BRF1: variants seen among roughly 807,000 people sequenced by gnomAD.
BRF1 encodes transcription factor IIIB 90 kDa subunit.
A neutral mutation model predicts 81.7 loss-of-function variants in BRF1; 59 were observed. The ratio of observed to expected loss-of-function variants is 0.72; its 90% CI spans 0.59 to 0.90. The LOEUF is 0.90. Among genes scored for constraint, BRF1 ranks in the 40% least tolerant of loss-of-function variants. BRF1 has a pLI of 0.00. For missense variants in BRF1, 1,050 were observed against 936.3 expected, an observed-to-expected ratio of 1.12 and a Z score of -1.58; for synonymous variants, 491 against 395.6, an observed-to-expected ratio of 1.24 and a Z score of -2.86.
chr14:105,299,994 T>C (rs587751073), intron 1 of BRF1, among the ~76,000 whole-genome samples: 1 of 152,320 alleles, frequency 6.6e-6, no homozygotes, highest in East Asian at 1.9e-4. Context: ...CCCGCAATAC[T>C]GCCCATCACT....
At chr14:105,248,765 C>T in intron 5 of BRF1, 19 of 981,518 alleles carry the variant, frequency 1.9e-5, no homozygotes, top group Non-Finnish European at 2.3e-5. Context: ...GCCTGACCTC[C>T]TTGCTTTTGC....
At chr14:105,275,202 C>T (rs2056830763) in intron 2 of BRF1, among the ~76,000 whole-genome samples, 1 of 152,212 alleles carries the variant, frequency 6.6e-6, no homozygotes, top group Non-Finnish European at 1.5e-5. Context: ...GGCCAGGGTA[C>T]ACAGTCTGGC....
chr14:105,294,726 C>T (rs1228433590), intron 1 of BRF1, among the ~76,000 whole-genome samples: 1 of 152,174 alleles, frequency 6.6e-6, no homozygotes, highest in East Asian at 1.9e-4. Flanking sequence ...GAAAAAAAGA[C>T]ACAAAACACC....
chr14:105,225,617 G>A (rs587636874), intron 10 of BRF1, among the ~76,000 whole-genome samples: 44 of 151,808 alleles, frequency 2.9e-4, no homozygotes, highest in East Asian at 1.4e-3. Context: ...AAATGGCCCC[G>A]CAAAGCTGTC....
At chr14:105,308,776 C>T (rs2058265038) in intron 1 of BRF1, among the ~76,000 whole-genome samples, 1 of 151,978 alleles carries the variant, frequency 6.6e-6, no homozygotes, top group Non-Finnish European at 1.5e-5. Context: ...CCACTGTGCC[C>T]AGCCATGACT....
At chr14:105,219,359 A>G in intron 12 of BRF1, 127 bp from the exon 13 acceptor site, 1 of 1,512,296 alleles carries the variant, frequency 6.6e-7, no homozygotes, top group Non-Finnish European at 8.9e-7. Context: ...GCCTCTATTT[A>G]GTGCGGAGCC....
Position 105,272,756 on chromosome 14 carries a change from C to G in BRF1, c.404G>C (p.Cys135Ser). 6.2e-7 allele frequency: 1 copy of G among 1,613,824 alleles called. No individual in the cohort carries two copies. The highest frequency in any genetic ancestry group is 8.5e-7 in the Non-Finnish European group (1 of 1,179,866). The change falls in exon 3 of 18, where the codon TGC becomes TCC. Residue 135 changes from cysteine to serine, a missense_variant. Cys to Ser is a moderately radical substitution (Grantham distance 112). Coordinates refer to ENST00000547530, the MANE Select transcript of BRF1 (RefSeq NM_001519.4). ...GRKMAHVIAACLYLVCRTEGT... is the reference protein window; with the variant it reads ...GRKMAHVIAASLYLVCRTEGT... Reference sequence around the variant, plus strand: ...CTCCGTACGGCAGACCAGGTAGAGGCAGGCAGCAATCACGTGGGCCATCTT... The same window carrying G: ...CTCCGTACGGCAGACCAGGTAGAGGGAGGCAGCAATCACGTGGGCCATCTT...
chr14:105,269,699 G>A lies in BRF1; in HGVS notation c.439+3022C>T, dbSNP rs1033594486. Among the ~76,000 whole-genome samples the A allele has an allele frequency of 2.7e-4, 41 of 152,144 alleles. No homozygotes were observed. The highest frequency in any genetic ancestry group is 9.7e-4 in the African/African-American group (40 of 41,416). ...GCAGCCCCGGCAGTGCCACAGGACT[G>A]CTCTCCGTCCTGCCTGTCATCACCC... is the stretch of plus-strand genomic sequence containing the variant. On this transcript the variant is annotated intron_variant, in intron 3 of 17. Transcript: ENST00000547530. The surrounding 1 kb of genome is among the most constrained non-coding windows in gnomAD (Gnocchi z 5.0).
chr14:105,247,369 G>C, intron 5 of BRF1: 1 of 985,448 alleles, frequency 1.0e-6, no homozygotes, highest in Non-Finnish European at 1.2e-6. Context: ...GGGGGCTCGG[G>C]CACCCCATTC....
chr14:105,280,852 CCGGG>C (rs2057050828), intron 2 of BRF1, among the ~76,000 whole-genome samples: 1 of 151,454 alleles, frequency 6.6e-6, no homozygotes, highest in Non-Finnish European at 1.5e-5. Context: ...GACCCTGAGC[CCGGG>C]TGTGTGGATA....
chr14:105,248,262 C>T lies in BRF1; in HGVS notation c.544+4245G>A, dbSNP rs2055263148. 6.1e-6 allele frequency: 6 copies of T among 985,330 alleles called. No homozygotes were observed. The South Asian group carries it at 2.8e-4, about 46-fold the overall frequency. 61.0% of individuals were successfully genotyped at this position (985,330 alleles called of 1,614,324 possible). A position where few individuals can be genotyped will look rare whatever the true frequency, so the allele number is the denominator to read the frequency against. On this transcript the variant is annotated intron_variant, in intron 5 of 17. Transcript: ENST00000547530. The stretch of plus-strand genomic sequence containing the variant: ...CCATCCCACAGGCCGCGGCCAGAGG[C>T]AGACTCCGGAATGCAAATGGCCAAA...
At chr14:105,314,719 G>A (rs1186558335) in intron 1 of BRF1, 1 of 143,374 alleles carries the variant, frequency 7.0e-6, no homozygotes, top group African/African-American at 2.5e-5. Flanking sequence ...GCGCGGGCGG[G>A]GCGCCGGGCG....
chr14:105,255,282 T>A (rs1229014791), intron 4 of BRF1, among the ~76,000 whole-genome samples: 1 of 152,258 alleles, frequency 6.6e-6, no homozygotes, highest in African/African-American at 2.4e-5. Context: ...ATCTGAAATG[T>A]GGACTTGCTG....
chr14:105,221,542 C>G, intron 11 of BRF1, 106 bp downstream of exon 11: 1 of 1,460,064 alleles, frequency 6.8e-7, no homozygotes, highest in Non-Finnish European at 9.1e-7. Flanking sequence ...GAGACCACCA[C>G]ACCTCCCGAC....
chr14:105,252,357 T>C (rs1296894054), intron 5 of BRF1, 150 bp downstream of exon 5: 17 of 1,413,080 alleles, frequency 1.2e-5, no homozygotes, highest in Middle Eastern at 5.3e-4. Flanking sequence ...GGCCCCACAT[T>C]ACTGAGCTCC....
intron 2 of BRF1, 133 bp downstream of exon 2, chr14:105,286,163 G>C (rs1313279914): frequency 2.0e-6 from 2 of 1,018,134 alleles, no homozygotes; most frequent in Admixed American, 2.1e-5. Context: ...AGCAGCCTGG[G>C]CTGGGCGTGC....
chr14:105,228,731 G>C, intron 7 of BRF1, 89 bp downstream of exon 7: 1 of 1,447,196 alleles, frequency 6.9e-7, no homozygotes, highest in South Asian at 1.2e-5. Context: ...GCAGGGTCCC[G>C]GGAGGTGGCG....
rs773804765 is a variant in BRF1 at position 105,219,057 on chromosome 14, A to G, written c.1460-4T>C. ...TTCGCTATTCTTGCTTCTTTTTCTA[A>G]AAGTTCAGAAAGGGGGCCAGCGTCA... On this transcript the variant is annotated splice_region_variant and splice_polypyrimidine_tract_variant and intron_variant, in intron 13 of 17. Coordinates refer to ENST00000547530, the MANE Select transcript of BRF1 (RefSeq NM_001519.4). 1.9e-5 allele frequency: 30 copies of G among 1,613,590 alleles called. No individual in the cohort carries two copies. The Admixed American group carries it at 4.0e-4, about 22-fold the overall frequency.
intron 3 of BRF1, among the ~76,000 whole-genome samples, chr14:105,259,183 C>T (rs754045741): frequency 1.3e-5 from 2 of 152,194 alleles, no homozygotes; most frequent in African/African-American, 2.4e-5. Flanking sequence ...GTGGCTCACA[C>T]CCATAATCCC....
Sources: gnomAD v4.1 joint callset for allele counts (sites outside exome capture counted in the v4.1 genomes callset) on GRCh38, gnomAD v4.1.1 for gene constraint, Gnocchi (gnomAD v3.1) non-coding constraint, MANE v1.5 for transcripts, NCBI Gene and HGNC (gene_info 2026-07-23, HGNC 2026-07-21) for gene names.